Variants in DOK7 observed in about 807,000 individuals in gnomAD.
DOK7 encodes the protein protein Dok-7.
In DOK7, 32 loss-of-function variants were observed where a neutral mutation model predicts 30.7. That is an observed-to-expected ratio of 1.04 (90% CI 0.79 to 1.40). DOK7 has a LOEUF of 1.40. Among genes scored for constraint, DOK7 ranks in the 40% most tolerant of loss-of-function variants. The probability of loss-of-function intolerance (pLI) is 0.00; values close to 1 mark genes in which losing one functional copy is unlikely to be tolerated. For missense variants in DOK7, 1,007 were observed against 699.2 expected (o/e 1.44, Z -4.97); for synonymous variants, 447 against 324.1 (o/e 1.38, Z -4.07).
chr4:3,495,880 C>T (rs772242538), downstream of DOK7, among the ~76,000 whole-genome samples: 2 of 152,150 alleles, frequency 1.3e-5, no homozygotes, highest in Non-Finnish European at 2.9e-5. Flanking sequence ...CAAAGGTTCT[C>T]AAAGTCTAGA....
Position 3,485,365 on chromosome 4 carries a change from C to T in DOK7, c.533-174C>T, listed in dbSNP as rs1016889341. 55 of 886,082 alleles carry T rather than the reference C, an allele frequency of 6.2e-5. No homozygotes were observed. The African/African-American group carries it at 8.5e-4, about 14-fold the overall frequency. 54.9% of individuals were successfully genotyped at this position (886,082 alleles called of 1,614,324 possible). On this transcript the variant is annotated intron_variant, in intron 4 of 6. Coordinates refer to ENST00000340083, the MANE Select transcript of DOK7 (RefSeq NM_173660.5). The stretch of plus-strand genomic sequence containing the variant: ...AGGTGGGGTGTCGGCTCTGGGCACC[C>T]GGATTCACGGGGCCAGGCGGGGTGT...
downstream of DOK7, among the ~76,000 whole-genome samples, chr4:3,494,876 G>C (rs1483421827): frequency 6.6e-6 from 1 of 152,154 alleles, no homozygotes; most frequent in Non-Finnish European, 1.5e-5. Flanking sequence ...CGAGTTCCAG[G>C]CTTGTCTCAG....
At chr4:3,474,830 A>C (rs1726971132) in intron 3 of DOK7, among the ~76,000 whole-genome samples, 1 of 151,994 alleles carries the variant, frequency 6.6e-6, no homozygotes, top group South Asian at 2.1e-4. Context: ...TCAAAAAAAA[A>C]AGAGCTGGGA....
At chr4:3,483,445 G>A (rs1727558205) in intron 4 of DOK7, among the ~76,000 whole-genome samples, 1 of 152,160 alleles carries the variant, frequency 6.6e-6, no homozygotes, top group African/African-American at 2.4e-5. Context: ...CATTGGAGAT[G>A]GGCATCTTCC....
At chr4:3,473,744 G>C in intron 3 of DOK7, 108 bp downstream of exon 3, 1 of 1,100,498 alleles carries the variant, frequency 9.1e-7, no homozygotes, top group Non-Finnish European at 1.3e-6. Context: ...AACCGTGCAG[G>C]AAGATGGGAC....
Position 3,492,762 on chromosome 4 carries a change from A to G in DOK7, c.776A>G (p.Asp259Gly). ...TTGGCTTCCTGCTCTGTCTCAGGGG[A>G]TGACCGCAGCCTGTCCAGCTCATCC... ...SHAGRPGSGG[D>G]DRSLSSSSSE... The change falls in exon 7 of 7, where the codon GAT becomes GGT. Residue 259 changes from aspartate (D) to glycine (G), a missense_variant. Physicochemically the swap from Asp to Gly is moderately conservative, Grantham distance 94. Coordinates refer to ENST00000340083, the MANE Select transcript of DOK7 (RefSeq NM_173660.5). The G allele has an allele frequency of 6.2e-7, 1 of 1,612,474 alleles. No homozygotes were observed. Among genetic ancestry groups the G allele is most frequent in the Non-Finnish European group, 8.5e-7 (1 of 1,179,958 alleles).
In DOK7 at chr4:3,500,420, C is replaced by T. The variant is rs573156646; in HGVS notation, c.1261+17C>T. The T allele has an allele frequency of 7.6e-4, 1,161 of 1,535,102 alleles. 2 individuals carry two copies. The highest frequency in any genetic ancestry group is 9.1e-4 in the Non-Finnish European group (1,044 of 1,146,342). Reference sequence around the variant, plus strand: ...GTGTCCGAGGTGGGTCCCCGCCCTGCGTGGAGGCACTGACAATTGGGGGCT... The same window carrying T: ...GTGTCCGAGGTGGGTCCCCGCCCTGTGTGGAGGCACTGACAATTGGGGGCT... On this transcript the variant is annotated intron_variant, in intron 7 of 7. Coordinates refer to the DOK7 transcript ENST00000643608.
chr4:3,467,863 G>A (rs1045089381), intron 2 of DOK7, among the ~76,000 whole-genome samples: 7 of 152,320 alleles, frequency 4.6e-5, no homozygotes, highest in Middle Eastern at 3.4e-3. Context: ...CATAGGTGGC[G>A]CTTTCTCTGT....
At position 3,493,494 on chromosome 4, in the gene DOK7, CTCCT is replaced by C; in HGVS notation, c.1510_1513del (p.Pro504GlufsTer60). On this transcript the variant is annotated frameshift_variant, in exon 7 of 7. Coordinates refer to ENST00000340083, the MANE Select transcript of DOK7 (RefSeq NM_173660.5). LOFTEE classifies it high-confidence loss of function. ...TGTGGAGGACTCAAGGTAAACCCCC[CTCCT>C]TGAGAGCCGCAGATCCCGCCCCGCG... 2 of 1,611,224 alleles carry C rather than the reference CTCCT, an allele frequency of 1.2e-6. No homozygotes were observed. Among genetic ancestry groups the C allele is most frequent in the Non-Finnish European group, 1.7e-6 (2 of 1,179,358 alleles).
At position 3,492,789 on chromosome 4, in the gene DOK7, C is replaced by G. The variant is rs751494151; in HGVS notation, c.803C>G (p.Ser268Ter). 1 of 1,612,790 alleles carries G rather than the reference C, an allele frequency of 6.2e-7. No homozygotes were observed. The highest frequency in any genetic ancestry group is 8.5e-7 in the Non-Finnish European group (1 of 1,179,980). ...GACCGCAGCCTGTCCAGCTCATCCT[C>G]AGAGGCCAGTCACTTGGACGTCAGC... is the stretch of plus-strand genomic sequence containing the variant. ...GDDRSLSSSSSEASHLDVSAS... is the reference protein window; with the variant it reads ...GDDRSLSSSS Residue 268 changes from serine to a stop codon, truncating the protein, a stop_gained, in exon 7 of 7, where the codon TCA (serine) becomes TGA (stop). Coordinates refer to ENST00000340083, the MANE Select transcript of DOK7 (RefSeq NM_173660.5). LOFTEE classifies it low-confidence loss of function (END_TRUNC).
chr4:3,491,532 TCTTCCTTCTCCCACCTATTCATTCATTC>T (rs144928853), intron 6 of DOK7, among the ~76,000 whole-genome samples: 103,219 of 149,522 alleles, frequency 0.69, 36,112 homozygotes, highest in East Asian at 0.92. Flanking sequence ...TTCATTCATT[TCTTCCTTCTCCCACCTATTCATTCATTC>T]CTTCCTTCAC....
rs764508173 is a variant in DOK7, at chr4:3,463,326, C to T, written c.-50C>T. ...CCTGCGAGCTATTTTGAAAGTGACCCTGGGCTGGGGCGCCGGGGCGAGCGC... is the reference window on the plus strand; with the variant it reads ...CCTGCGAGCTATTTTGAAAGTGACCTTGGGCTGGGGCGCCGGGGCGAGCGC... On this transcript the variant is annotated 5_prime_UTR_variant, in exon 1 of 7. Coordinates refer to ENST00000340083, the MANE Select transcript of DOK7 (RefSeq NM_173660.5). The T allele has an allele frequency of 2.1e-6, 3 of 1,416,884 alleles. No individual in the cohort carries two copies. Among genetic ancestry groups the T allele is most frequent in the Non-Finnish European group, 2.7e-6 (3 of 1,097,126 alleles). The allele number at this position is 1,416,884 out of a possible 1,614,324, so 87.8% of individuals were successfully genotyped here.
chr4:3,488,066 T>G (rs532738965), intron 5 of DOK7, among the ~76,000 whole-genome samples: 5 of 152,356 alleles, frequency 3.3e-5, no homozygotes, highest in African/African-American at 1.2e-4. Flanking sequence ...GGCACAGCCT[T>G]GGCTGCCATC....
At chr4:3,471,438 GTT>G (rs1246266182) in intron 2 of DOK7, among the ~76,000 whole-genome samples, 1 of 152,228 alleles carries the variant, frequency 6.6e-6, no homozygotes, top group Non-Finnish European at 1.5e-5. Context: ...CTCAGTGGAA[GTT>G]TCAACATGGG....
rs780722217 is a variant in DOK7, at chr4:3,500,683, T to C, written c.1262-9T>C. On this transcript the variant is annotated splice_polypyrimidine_tract_variant and intron_variant, in intron 7 of 7. Transcript: ENST00000643608. ...GCGCAGGCTGCCGCTCACTACAGAA[T>C]TCTTTCAGGGGCTGGCGCCTCCCTC... The C allele has an allele frequency of 2.3e-5, 36 of 1,535,668 alleles. No homozygotes were observed. In the African/African-American group the frequency reaches 4.0e-4, roughly 17 times the overall value.
chr4:3,484,907 G>C (rs761862998), intron 4 of DOK7: 1 of 983,324 alleles, frequency 1.0e-6, no homozygotes, highest in African/African-American at 1.7e-5. Flanking sequence ...GGGGAAGGAA[G>C]TGTGGTCACA....
chr4:3,468,327 C>A (rs796313978), intron 2 of DOK7, among the ~76,000 whole-genome samples: 1 of 136,558 alleles, frequency 7.3e-6, no homozygotes, highest in Non-Finnish European at 1.6e-5. Flanking sequence ...CCTGTGTGTG[C>A]GAGTGTGTGT....
intron 3 of DOK7, among the ~76,000 whole-genome samples, 199 bp from the exon 4 acceptor site, chr4:3,476,143 G>T (rs116737061): frequency 9.3e-6 from 1 of 107,168 alleles, no homozygotes; most frequent in African/African-American, 3.8e-5. Flanking sequence ...ATGCCCTCTC[G>T]CCCCGCCTGA....
At chr4:3,497,340 G>C (rs528338033), downstream of DOK7, among the ~76,000 whole-genome samples, 1 of 152,112 alleles carries the variant, frequency 6.6e-6, no homozygotes, top group Non-Finnish European at 1.5e-5. Flanking sequence ...TGGGCTGGTG[G>C]TGAGCGACTC....
Sources: gnomAD v4.1 joint callset for allele counts (sites outside exome capture counted in the v4.1 genomes callset) on GRCh38, gnomAD v4.1.1 for gene constraint, MANE v1.5 for transcripts, NCBI Gene and HGNC (gene_info 2026-07-23, HGNC 2026-07-21) for gene names.